DACH2: variants seen among roughly 807,000 people sequenced by gnomAD.
DACH2 encodes dachshund homolog 2.
A neutral mutation model predicts 35.8 loss-of-function variants in DACH2; 17 were observed. That is an observed-to-expected ratio of 0.48 (90% CI 0.33 to 0.71). The LOEUF is 0.71. Ranked by LOEUF, DACH2 falls within the 30% of genes least tolerant of loss-of-function variation. DACH2 has a pLI of 0.02. For synonymous variants in DACH2, 195 were observed against 177.3 expected (o/e 1.10, Z -0.79); for missense variants, 469 against 472.7 (o/e 0.99, Z 0.07).
intron 2 of DACH2, among the ~76,000 whole-genome samples, chrX:86,426,655 A>G (rs920242554): frequency 9.0e-6 from 1 of 111,237 alleles, no homozygotes; most frequent in Non-Finnish European, 1.9e-5. Context: ...CAGAGAGAGG[A>G]TAATTTCCCA....
chrX:86,434,988 C>G (rs1190808304), intron 2 of DACH2, among the ~76,000 whole-genome samples: 1 of 110,751 alleles, frequency 9.0e-6, no homozygotes, highest in Non-Finnish European at 1.9e-5. Flanking sequence ...TGTAAGAACT[C>G]ACTCATCATG....
intron 7 of DACH2, among the ~76,000 whole-genome samples, chrX:86,783,157 A>G (rs765114498): frequency 1.8e-5 from 2 of 112,270 alleles, no homozygotes; most frequent in Non-Finnish European, 3.8e-5. Context: ...AAACAGACAC[A>G]TGAAAAAGTT....
chrX:86,718,966 T>C (rs904724422), intron 6 of DACH2, among the ~76,000 whole-genome samples: 3 of 112,294 alleles, frequency 2.7e-5, no homozygotes, highest in Non-Finnish European at 5.6e-5. Flanking sequence ...TTTGTGCTCT[T>C]TTTTAGTTCC....
At chrX:86,151,450 A>C (rs1362033861) in intron 1 of DACH2, among the ~76,000 whole-genome samples, 1 of 111,372 alleles carries the variant, frequency 9.0e-6, no homozygotes, top group Non-Finnish European at 1.9e-5. Context: ...CAATTTTATT[A>C]ATTGTAAAAA....
intron 2 of DACH2, among the ~76,000 whole-genome samples, chrX:86,426,585 A>G (rs2036897585): frequency 8.9e-6 from 1 of 111,756 alleles, no homozygotes; most frequent in African/African-American, 3.2e-5. Flanking sequence ...CTAGGTGCTT[A>G]TGTGCAGAGT....
At chrX:86,524,831 A>T (rs1265954122) in intron 3 of DACH2, among the ~76,000 whole-genome samples, 1 of 110,893 alleles carries the variant, frequency 9.0e-6, no homozygotes, top group East Asian at 2.8e-4. Flanking sequence ...AACCTATAGG[A>T]TGTTGGTGAT....
chrX:86,627,104 C>T (rs2040147164), intron 3 of DACH2, among the ~76,000 whole-genome samples: 1 of 112,009 alleles, frequency 8.9e-6, no homozygotes, highest in African/African-American at 3.2e-5. Flanking sequence ...CAAACATATC[C>T]TTGTGAATAC....
intron 1 of DACH2, among the ~76,000 whole-genome samples, chrX:86,252,743 T>C (rs1298086260): frequency 1.8e-5 from 2 of 111,660 alleles, no homozygotes; most frequent in East Asian, 5.6e-4. Flanking sequence ...TCGGTGAATA[T>C]GGCCTTATAG....
intron 4 of DACH2, among the ~76,000 whole-genome samples, chrX:86,678,993 T>A (rs2040850217): frequency 9.0e-6 from 1 of 111,567 alleles, no homozygotes; most frequent in Non-Finnish European, 1.9e-5. Context: ...TGTCCTTTTA[T>A]CCTCTCCTTC....
chrX:86,248,271 T>C (rs1160970647), intron 1 of DACH2, among the ~76,000 whole-genome samples: 2 of 110,836 alleles, frequency 1.8e-5, no homozygotes, highest in Non-Finnish European at 3.8e-5. Flanking sequence ...TCACAGACAG[T>C]ATGATTTTAT....
At chrX:86,756,485 T>A (rs781524937) in intron 7 of DACH2, among the ~76,000 whole-genome samples, 94 of 110,013 alleles carry the variant, frequency 8.5e-4, no homozygotes, top group African/African-American at 2.9e-3. Flanking sequence ...TTTTTTTTTT[T>A]TTTATTTTTG....
intron 1 of DACH2, among the ~76,000 whole-genome samples, chrX:86,321,710 A>G (rs1246771230): frequency 9.0e-6 from 1 of 111,680 alleles, no homozygotes; most frequent in Non-Finnish European, 1.9e-5. Context: ...CTGCTGCTGG[A>G]AGAGCTGGCT....
intron 2 of DACH2, among the ~76,000 whole-genome samples, chrX:86,454,255 T>C (rs1437473933): frequency 9.0e-6 from 1 of 111,376 alleles, no homozygotes; most frequent in Admixed American, 9.6e-5. Context: ...TTATGTGTCT[T>C]GGGGTGGACC....
chrX:86,587,192 G>C (rs753022559), intron 3 of DACH2, among the ~76,000 whole-genome samples: 1 of 111,285 alleles, frequency 9.0e-6, no homozygotes, highest in Non-Finnish European at 1.9e-5. Flanking sequence ...ATGGGATTGC[G>C]TTTTTGATTT....
intron 7 of DACH2, among the ~76,000 whole-genome samples, chrX:86,774,646 G>A (rs1281923138): frequency 8.9e-6 from 1 of 111,900 alleles, no homozygotes; most frequent in Non-Finnish European, 1.9e-5. Flanking sequence ...CAATGGTTCG[G>A]ATCCTTTACA....
intron 4 of DACH2, among the ~76,000 whole-genome samples, chrX:86,659,357 C>T (rs2040580467): frequency 9.0e-6 from 1 of 110,849 alleles, no homozygotes; most frequent in African/African-American, 3.3e-5. Context: ...TATGTCTATT[C>T]CTAATACCTC....
intron 1 of DACH2, among the ~76,000 whole-genome samples, chrX:86,236,085 T>A (rs779421217): frequency 9.0e-6 from 1 of 111,210 alleles, no homozygotes; most frequent in Non-Finnish European, 1.9e-5. Flanking sequence ...GTGAGGCAAA[T>A]CGTGCCACTG....
At chrX:86,628,844 G>C (rs905107872) in intron 3 of DACH2, among the ~76,000 whole-genome samples, 1 of 111,604 alleles carries the variant, frequency 9.0e-6, no homozygotes, top group Non-Finnish European at 1.9e-5. Flanking sequence ...GTGATCTTTA[G>C]GAAGCCAATT....
In DACH2 at chrX:86,656,035, C is replaced by CT. The variant is rs374641050; in HGVS notation, c.772+4868_772+4869insT. Among the ~76,000 whole-genome samples, 208 of 100,384 alleles carry CT rather than the reference C, an allele frequency of 2.1e-3. 1 individual carries two copies. Among genetic ancestry groups the CT allele is most frequent in the African/African-American group, 7.2e-3 (198 of 27,551 alleles). The allele number at this position is 100,384 out of a possible 115,157, so 87.2% of individuals were successfully genotyped here. A position where few individuals can be genotyped will look rare whatever the true frequency, so the allele number is the denominator to read the frequency against. ...AGAGACCAAGAAATAAAGCTCCCCC[C>CT]CCCCACTAATCTGTACATAATGGCC... On this transcript the variant is annotated intron_variant, in intron 4 of 11. Coordinates refer to ENST00000373125, the MANE Select transcript of DACH2 (RefSeq NM_053281.3).
Sources: allele counts gnomAD v4.1 joint callset (sites outside exome capture counted in the v4.1 genomes callset), GRCh38; gene constraint gnomAD v4.1.1; transcripts MANE v1.5; gene names NCBI Gene and HGNC (gene_info 2026-07-23, HGNC 2026-07-21).